The following PRRC2B variants were observed in gnomAD, a reference collection of about 807,000 sequenced individuals.
PRRC2B encodes proline rich coiled-coil 2B, also known as protein PRRC2B.
In PRRC2B, 68 loss-of-function variants were observed where a neutral mutation model predicts 242.3. The observed-to-expected ratio is 0.28, with a 90% confidence interval of 0.23 to 0.34. The LOEUF (loss-of-function observed/expected upper bound fraction) is 0.34. PRRC2B is among the 10% of genes least tolerant of loss of function. The pLI, the probability that PRRC2B is intolerant of heterozygous loss-of-function variation, is 1.00. For synonymous variants in PRRC2B, 1,228 were observed against 1,173.6 expected, an observed-to-expected ratio of 1.05 and a Z score of -0.95; for missense variants, 2,835 against 2,954.8, an observed-to-expected ratio of 0.96 and a Z score of 0.94.
chr9:131,422,993 C>T (rs930383807), intron 1 of PRRC2B, among the ~76,000 whole-genome samples: 1 of 152,160 alleles, frequency 6.6e-6, no homozygotes, highest in Non-Finnish European at 1.5e-5. Context: ...TGAGTGGCTT[C>T]TGTGGGAAAG....
chr9:131,383,928 G>T (rs1212386197), intron 1 of PRRC2B, among the ~76,000 whole-genome samples: 1 of 150,830 alleles, frequency 6.6e-6, no homozygotes, highest in African/African-American at 2.4e-5. Context: ...GCCGGTTTTG[G>T]TTTATTTTTT....
intron 26 of PRRC2B, chr9:131,486,674 C>A: frequency 2.8e-6 from 1 of 351,728 alleles, no homozygotes; most frequent in Non-Finnish European, 4.0e-6. Flanking sequence ...AGCCGCCCCT[C>A]AGACCCATGT....
Position 131,475,683 on chromosome 9 carries a change from C to G in PRRC2B, c.3554C>G (p.Ser1185Cys), listed in dbSNP as rs760500226. ...TCTTGGCGGTCCAACAAGGGGTGCT[C>G]TGAGGACCACAGCGGTCTAGATGCC... is the stretch of plus-strand genomic sequence containing the variant. ...RDSWRSNKGC[S>C]EDHSGLDAKS... Residue 1185 changes from serine to cysteine, a missense_variant, in exon 16 of 32, where the codon TCT (serine) becomes TGT (cysteine). Physicochemically the swap from Ser to Cys is moderately radical, Grantham distance 112 (BLOSUM62 -1). Coordinates refer to ENST00000683519, the MANE Select transcript of PRRC2B (RefSeq NM_013318.4). The G allele has an allele frequency of 6.8e-6, 11 of 1,612,416 alleles. No individual in the cohort carries two copies. The highest frequency in any genetic ancestry group is 2.2e-5 in the East Asian group (1 of 44,876).
Position 131,459,349 on chromosome 9 carries a change from A to G in PRRC2B, c.1397A>G (p.Asp466Gly). The G allele has an allele frequency of 5.6e-6, 9 of 1,612,474 alleles. No homozygotes were observed. Among genetic ancestry groups the G allele is most frequent in the Non-Finnish European group, 7.6e-6 (9 of 1,179,164 alleles). Reference protein sequence around the residue: ...RKLHGWAPGPDYQKSSMGSMF... With the variant: ...RKLHGWAPGPGYQKSSMGSMF... ...CTTCATGGCTGGGCACCAGGCCCTG[A>G]CTACCAGGTACCAAGGGCCCTTGGC... The change falls in exon 11 of 32, where the codon GAC (aspartate) becomes GGC (glycine). Residue 466 changes from aspartate (D) to glycine (G), a missense_variant. This residue lies in a region of PRRC2B where 626 missense variants were observed against 685.5 expected (regional missense o/e 0.91). Coordinates refer to ENST00000683519, the MANE Select transcript of PRRC2B (RefSeq NM_013318.4).
chr9:131,396,853 C>A (rs1417594125), intron 1 of PRRC2B, among the ~76,000 whole-genome samples: 2 of 152,024 alleles, frequency 1.3e-5, no homozygotes, highest in African/African-American at 4.8e-5. Flanking sequence ...CAGACTGAAC[C>A]CAGTGTTGGC....
chr9:131,421,717 T>C (rs556197817), intron 1 of PRRC2B, among the ~76,000 whole-genome samples: 1 of 152,188 alleles, frequency 6.6e-6, no homozygotes, highest in Non-Finnish European at 1.5e-5. Flanking sequence ...GGTGCCCACA[T>C]GTGAAGAGTG....
At chr9:131,389,817 C>G (rs543103952), upstream of PRRC2B, among the ~76,000 whole-genome samples, 7 of 149,822 alleles carry the variant, frequency 4.7e-5, no homozygotes, top group African/African-American at 1.7e-4. Flanking sequence ...CACCACAGTG[C>G]TCCCCACCCA....
chr9:131,458,479 A>G (rs1943146264), intron 10 of PRRC2B, among the ~76,000 whole-genome samples: 2 of 148,234 alleles, frequency 1.3e-5, no homozygotes, highest in Middle Eastern at 3.4e-3. Context: ...AAAGTTACGA[A>G]AAAATACCTC....
intron 18 of PRRC2B, 128 bp from the exon 19 acceptor site, chr9:131,479,124 G>A (rs142109442): frequency 2.1e-5 from 19 of 926,752 alleles, no homozygotes; most frequent in African/African-American, 1.5e-4. Flanking sequence ...TTTGGGAGAC[G>A]AGCGTTCCAC....
At chr9:131,424,461 C>T (rs905493433) in intron 1 of PRRC2B, among the ~76,000 whole-genome samples, 4 of 151,944 alleles carry the variant, frequency 2.6e-5, no homozygotes, top group African/African-American at 7.3e-5. Flanking sequence ...CCAAGGTGGG[C>T]GGATAACTTG....
chr9:131,451,245 A>T (rs959648291), intron 9 of PRRC2B, among the ~76,000 whole-genome samples: 52 of 152,208 alleles, frequency 3.4e-4, no homozygotes, highest in African/African-American at 1.2e-3. Context: ...TAAAAATACA[A>T]AAAATTAGCC....
chr9:131,419,155 GT>G (rs1293226000), intron 1 of PRRC2B, among the ~76,000 whole-genome samples: 2 of 152,208 alleles, frequency 1.3e-5, no homozygotes, highest in African/African-American at 4.8e-5. Context: ...AAATAGCTAC[GT>G]TTATTGCCCC....
At position 131,395,831 on chromosome 9, in the gene PRRC2B, T is replaced by C. The variant is rs546564006; in HGVS notation, c.-52+1568T>C. ...GTAGCATTTGGAGGTCTCTAGAACT[T>C]AGTAGACCCGGAGTGTGTGGCAGTT... On this transcript the variant is annotated intron_variant, in intron 1 of 31. Transcript: ENST00000683519. Among the ~76,000 whole-genome samples, 9 of 152,262 alleles carry C rather than the reference T, an allele frequency of 5.9e-5. No individual in the cohort carries two copies. In the East Asian group the frequency reaches 1.7e-3, roughly 29 times the overall value.
chr9:131,494,213 C>T lies in PRRC2B; in HGVS notation c.6474-192C>T, dbSNP rs1944270295. On this transcript the variant is annotated intron_variant, in intron 30 of 31. Transcript: ENST00000683519. This position sits in a 1 kb window ranked among gnomAD's most constrained non-coding sequence, Gnocchi z 4.3. Reference sequence around the variant, plus strand: ...CAGGGTGGTCAGTGACAGCCACCCCCTCACCCTTCTGCGTTCTGGGCTGTC... The same window carrying T: ...CAGGGTGGTCAGTGACAGCCACCCCTTCACCCTTCTGCGTTCTGGGCTGTC... Among the ~76,000 whole-genome samples, 3 of 152,222 alleles carry T rather than the reference C, an allele frequency of 2.0e-5. No homozygotes were observed. The South Asian group carries it at 6.2e-4, about 32-fold the overall frequency.
At chr9:131,435,578 G>A (rs140133789) in intron 3 of PRRC2B, among the ~76,000 whole-genome samples, 9 of 149,960 alleles carry the variant, frequency 6.0e-5, no homozygotes, top group African/African-American at 2.2e-4. Context: ...TCATGCCACT[G>A]CACTGCAACC....
intron 1 of PRRC2B, among the ~76,000 whole-genome samples, chr9:131,401,410 G>T (rs1255357649): frequency 1.4e-5 from 2 of 148,120 alleles, no homozygotes; most frequent in Admixed American, 1.3e-4. Context: ...TTGAGATAGG[G>T]TCTCACTGTC....
Position 131,454,612 on chromosome 9 carries a change from C to G in PRRC2B, c.1121-464C>G, listed in dbSNP as rs866427885. Among the ~76,000 whole-genome samples the G allele has an allele frequency of 3.9e-5, 6 of 152,038 alleles. No individual in the cohort carries two copies. The South Asian group carries it at 8.3e-4, about 21-fold the overall frequency. On this transcript the variant is annotated intron_variant, in intron 9 of 31. Transcript: ENST00000683519. ...GGCCAAAAGAACCTCTCCGATGGTG[C>G]CTGGGTACCACTGACCTTTTCTTTT...
chr9:131,373,885 C>G (rs1346552182), intron 1 of PRRC2B, among the ~76,000 whole-genome samples: 1 of 152,152 alleles, frequency 6.6e-6, no homozygotes, highest in Non-Finnish European at 1.5e-5. Flanking sequence ...CGGTGAAACC[C>G]CGTCTCTACT....
chr9:131,487,035 A>G lies in PRRC2B; in HGVS notation c.5857-132A>G, dbSNP rs946742004. On this transcript the variant is annotated intron_variant, in intron 26 of 31. Coordinates refer to ENST00000683519, the MANE Select transcript of PRRC2B (RefSeq NM_013318.4). The surrounding 1 kb of genome is among the most constrained non-coding windows in gnomAD (Gnocchi z 5.3). ...TCCCAATAGCAAGGGAAGCCCAGGA[A>G]TGACATGCTGGCATTTGAATTTTGG... The G allele has an allele frequency of 1.3e-6, 1 of 765,648 alleles. No individual in the cohort carries two copies. The highest frequency in any genetic ancestry group is 1.7e-5 in the African/African-American group (1 of 58,232). 47.4% of individuals were successfully genotyped at this position (765,648 alleles called of 1,614,324 possible). A position where few individuals can be genotyped will look rare whatever the true frequency, so the allele number is the denominator to read the frequency against.
Sources: gnomAD v4.1 joint callset for allele counts (sites outside exome capture counted in the v4.1 genomes callset) on GRCh38, gnomAD v4.1.1 for gene constraint, gnomAD v4.1.1 regional missense constraint, Gnocchi (gnomAD v3.1) non-coding constraint, MANE v1.5 for transcripts, NCBI Gene and HGNC (gene_info 2026-07-23, HGNC 2026-07-21) for gene names.